Variants in ZC3H6 observed in about 807,000 individuals in gnomAD.
The protein encoded by ZC3H6 is zinc finger CCCH-type containing 6, also known as zinc finger CCCH domain-containing protein 6.
In ZC3H6, 40 loss-of-function variants were observed where a neutral mutation model predicts 107.7. The observed-to-expected ratio is 0.37, with a 90% CI of 0.29 to 0.48. The LOEUF is 0.48. ZC3H6 is among the 20% of genes least tolerant of loss of function. The probability of loss-of-function intolerance (pLI) is 0.98; values close to 1 mark genes in which losing one functional copy is unlikely to be tolerated. For synonymous variants in ZC3H6, 493 were observed against 487.9 expected (o/e 1.01, Z -0.14); for missense variants, 1,267 against 1,410.4 (o/e 0.90, Z 1.63).
At chr2:112,283,159 T>G (rs1388832712) in intron 1 of ZC3H6, among the ~76,000 whole-genome samples, 1 of 152,174 alleles carries the variant, frequency 6.6e-6, no homozygotes, top group Non-Finnish European at 1.5e-5. Flanking sequence ...TATCTTTTTT[T>G]GGGTGGTTGG....
chr2:112,275,711 C>A lies in ZC3H6; in HGVS notation c.-284C>A. 1 of 415,476 alleles carries A rather than the reference C, an allele frequency of 2.4e-6. No homozygotes were observed. Among genetic ancestry groups the A allele is most frequent in the South Asian group, 7.3e-5 (1 of 13,726 alleles). The allele number at this position is 415,476 out of a possible 1,614,324, so 25.7% of individuals were successfully genotyped here. The stretch of plus-strand genomic sequence containing the variant: ...GCACGCCGCCCGCCCGCTCCCACGC[C>A]ACAGCCACCGGCGGCGAATAGAGAC... On this transcript the variant is annotated 5_prime_UTR_variant, in exon 1 of 12. Transcript: ENST00000409871.
intron 7 of ZC3H6, among the ~76,000 whole-genome samples, chr2:112,321,287 TATA>T (rs1363424796): frequency 1.3e-5 from 2 of 152,112 alleles, no homozygotes; most frequent in Admixed American, 6.5e-5. Flanking sequence ...ACAAAATTTA[TATA>T]ATATTTTATT....
At chr2:112,286,144 C>G in intron 1 of ZC3H6, 3 of 410,354 alleles carry the variant, frequency 7.3e-6, no homozygotes, top group Non-Finnish European at 1.4e-5. Flanking sequence ...AAACATAATA[C>G]CAGAAGAAGA....
intron 1 of ZC3H6, among the ~76,000 whole-genome samples, chr2:112,282,822 T>A (rs1459012775): frequency 2.6e-5 from 4 of 152,250 alleles, no homozygotes; most frequent in Non-Finnish European, 5.9e-5. Context: ...AAGTTTTAAA[T>A]GGCATCGGCG....
At chr2:112,320,465 G>T (rs902189452) in intron 7 of ZC3H6, among the ~76,000 whole-genome samples, 1 of 151,918 alleles carries the variant, frequency 6.6e-6, no homozygotes, top group Non-Finnish European at 1.5e-5. Flanking sequence ...CTTATCTATT[G>T]TGGTATTTGA....
In ZC3H6 at chr2:112,275,998, A is replaced by G; in HGVS notation, c.4A>G (p.Thr2Ala). ...CCCGCCCCGTTCTTGACCAAACATG[A>G]CAGACTCTGAACATGCAGGGCACGA... M[T>A]DSEHAGHDRE... Residue 2 changes from threonine (T) to alanine (A), a missense_variant, in exon 1 of 12, where the codon ACA becomes GCA. Physicochemically the swap from Thr to Ala is moderately conservative, Grantham distance 58 (BLOSUM62 0). Coordinates refer to ENST00000409871, the MANE Select transcript of ZC3H6 (RefSeq NM_198581.3). The G allele has an allele frequency of 6.5e-7, 1 of 1,539,356 alleles. No homozygotes were observed. The highest frequency in any genetic ancestry group is 8.8e-7 in the Non-Finnish European group (1 of 1,142,328).
chr2:112,306,506 G>T (rs1301679057), intron 3 of ZC3H6, among the ~76,000 whole-genome samples: 2 of 151,972 alleles, frequency 1.3e-5, no homozygotes, highest in African/African-American at 2.4e-5. Context: ...GTTATTTTTT[G>T]CTGGTTCTCT....
At chr2:112,299,212 G>A (rs928659598) in intron 1 of ZC3H6, among the ~76,000 whole-genome samples, 1 of 151,076 alleles carries the variant, frequency 6.6e-6, no homozygotes, top group Non-Finnish European at 1.5e-5. Context: ...GGGAGGCGGA[G>A]CTTGCAGTGA....
intron 3 of ZC3H6, among the ~76,000 whole-genome samples, chr2:112,308,302 A>AT (rs1676515149): frequency 6.6e-6 from 1 of 151,788 alleles, no homozygotes; most frequent in African/African-American, 2.4e-5. Flanking sequence ...TTAGTTATGC[A>AT]TTTTTTCTCT....
chr2:112,293,936 T>A (rs1676170989), intron 1 of ZC3H6, among the ~76,000 whole-genome samples: 1 of 152,204 alleles, frequency 6.6e-6, no homozygotes, highest in Admixed American at 6.5e-5. Flanking sequence ...GCACTCTGGC[T>A]GAGGAACAGT....
At chr2:112,280,566 A>G (rs574012652) in intron 1 of ZC3H6, among the ~76,000 whole-genome samples, 28 of 152,282 alleles carry the variant, frequency 1.8e-4, no homozygotes, top group African/African-American at 6.5e-4. Flanking sequence ...GGGATCTTAT[A>G]ATCTAGTTGC....
At chr2:112,301,830 CATAT>C (rs1676384947) in intron 2 of ZC3H6, among the ~76,000 whole-genome samples, 1 of 151,604 alleles carries the variant, frequency 6.6e-6, no homozygotes, top group African/African-American at 2.4e-5. Flanking sequence ...AGATCAACAA[CATAT>C]ATATCATTGA....
chr2:112,291,095 T>C (rs62160162), intron 1 of ZC3H6, among the ~76,000 whole-genome samples: 32,028 of 150,388 alleles, frequency 0.21, no homozygotes, highest in East Asian at 0.34. Flanking sequence ...CAAAGTCAGA[T>C]TTGTGACTGA....
At chr2:112,283,344 C>T (rs550740778) in intron 1 of ZC3H6, among the ~76,000 whole-genome samples, 38 of 152,098 alleles carry the variant, frequency 2.5e-4, no homozygotes, top group Non-Finnish European at 4.9e-4. Context: ...AATTTGAGTT[C>T]TAGCTTAACA....
At chr2:112,297,755 G>A (rs975333475) in intron 1 of ZC3H6, among the ~76,000 whole-genome samples, 2 of 152,000 alleles carry the variant, frequency 1.3e-5, no homozygotes, top group African/African-American at 4.8e-5. Flanking sequence ...CTTGAGTTTT[G>A]TTACTATCTG....
At chr2:112,299,381 T>C (rs183103740) in intron 1 of ZC3H6, among the ~76,000 whole-genome samples, 1 of 152,310 alleles carries the variant, frequency 6.6e-6, no homozygotes, top group African/African-American at 2.4e-5. Context: ...CATTCTTGGT[T>C]CTTAGATTCC....
chr2:112,285,186 C>A (rs929111309), intron 1 of ZC3H6, among the ~76,000 whole-genome samples: 18 of 152,062 alleles, frequency 1.2e-4, no homozygotes, highest in Non-Finnish European at 2.5e-4. Context: ...TACTTTCTTT[C>A]GTACATAAAT....
At chr2:112,311,426 G>A (rs913566623) in intron 4 of ZC3H6, among the ~76,000 whole-genome samples, 1 of 152,118 alleles carries the variant, frequency 6.6e-6, no homozygotes, top group Non-Finnish European at 1.5e-5. Flanking sequence ...ATTACCAGTG[G>A]AAATTTGATT....
At chr2:112,316,850 T>G (rs1183077821) in intron 6 of ZC3H6, among the ~76,000 whole-genome samples, 1 of 152,336 alleles carries the variant, frequency 6.6e-6, no homozygotes, top group East Asian at 1.9e-4. Context: ...CAACTAATAT[T>G]AAATGATTTA....
Sources: gnomAD v4.1 joint callset for allele counts (sites outside exome capture counted in the v4.1 genomes callset) on GRCh38, gnomAD v4.1.1 for gene constraint, MANE v1.5 for transcripts, NCBI Gene and HGNC (gene_info 2026-07-23, HGNC 2026-07-21) for gene names.